The following SETD2 variants were observed in gnomAD, a reference collection of about 807,000 sequenced individuals.
The protein encoded by SETD2 is SET domain containing 2, histone lysine methyltransferase.
SETD2 carries 31 observed loss-of-function variants against 242.1 expected under a neutral mutation model. The ratio of observed to expected loss-of-function variants is 0.13; its 90% confidence interval spans 0.10 to 0.17. The LOEUF (loss-of-function observed/expected upper bound fraction) is 0.17, where lower values mean the gene tolerates loss of function less well. Ranked by LOEUF, SETD2 falls within the 10% of genes least tolerant of loss-of-function variation. The probability of loss-of-function intolerance (pLI) is 1.00; values close to 1 mark genes in which losing one functional copy is unlikely to be tolerated. For missense variants in SETD2, 2,481 were observed against 3,046.3 expected (o/e 0.81, Z 4.37); for synonymous variants, 1,006 against 1,066.5 (o/e 0.94, Z 1.11).
At chr3:47,096,944 A>T (rs1295930890) in intron 9 of SETD2, among the ~76,000 whole-genome samples, 3 of 152,072 alleles carry the variant, frequency 2.0e-5, no homozygotes, top group African/African-American at 7.2e-5. Context: ...AACTTTTTTT[A>T]ACTGAATCTT....
chr3:47,029,006 T>C, intron 18 of SETD2: 1 of 222,582 alleles, frequency 4.5e-6, no homozygotes, highest in Non-Finnish European at 8.8e-6. Context: ...AGCTCGACCA[T>C]CTCAATGTCA....
chr3:47,161,974 CA>C (rs1167029983), intron 1 of SETD2, among the ~76,000 whole-genome samples: 2 of 151,080 alleles, frequency 1.3e-5, no homozygotes, highest in Non-Finnish European at 2.9e-5. Context: ...GTTAGAAATC[CA>C]AAGCAGTGGA....
chr3:47,020,845 G>A (rs2038185812), intron 18 of SETD2, among the ~76,000 whole-genome samples: 1 of 152,144 alleles, frequency 6.6e-6, no homozygotes, highest in South Asian at 2.1e-4. Flanking sequence ...TCCATAAACA[G>A]TATGAAGGCT....
chr3:47,100,786 G>A (rs567935351), intron 8 of SETD2, among the ~76,000 whole-genome samples: 14 of 151,394 alleles, frequency 9.2e-5, no homozygotes, highest in East Asian at 2.0e-4. Context: ...AGAGGCGGGC[G>A]GATCACAAGG....
chr3:47,082,619 CATA>C (rs1411952985), intron 12 of SETD2, among the ~76,000 whole-genome samples: 1 of 152,186 alleles, frequency 6.6e-6, no homozygotes, highest in Non-Finnish European at 1.5e-5. Context: ...TTTCCTAAGA[CATA>C]ATAAGGCTGA....
rs1463995863 is a variant in SETD2, at chr3:47,017,596, C to T, written c.7533+42G>A. On this transcript the variant is annotated intron_variant, in intron 20 of 20. Coordinates refer to ENST00000409792, the MANE Select transcript of SETD2 (RefSeq NM_014159.7). This position sits in a 1 kb window ranked among gnomAD's most constrained non-coding sequence, Gnocchi z 4.8. ...GCTTCTTAGAAGGTACACAGTTTGC[C>T]CAGAACATTGCCTGGTGGGCTACCA... 1 of 1,393,412 alleles carries T rather than the reference C, an allele frequency of 7.2e-7. No individual in the cohort carries two copies. The highest frequency in any genetic ancestry group is 1.0e-6 in the Non-Finnish European group (1 of 979,116). 86.3% of individuals were successfully genotyped at this position (1,393,412 alleles called of 1,614,324 possible).
chr3:47,084,004 G>T lies in SETD2; in HGVS notation c.5776C>A (p.Gln1926Lys), dbSNP rs1282949429. Reference protein sequence around the residue: ...PVEEEEELQSQQLLPQQLPEC... With the variant: ...PVEEEEELQSKQLLPQQLPEC... ...GGCAGCTGTTGTGGGAGTAGCTGTT[G>T]TGACTGCAATTCTTCCTCTTCCTCT... The change falls in exon 12 of 21, where the codon CAA (glutamine) becomes AAA (lysine). Residue 1926 changes from glutamine to lysine, a missense_variant. By Grantham distance (53) the Gln-to-Lys change is moderately conservative. Transcript: ENST00000409792. The T allele has an allele frequency of 6.2e-7, 1 of 1,613,988 alleles. No homozygotes were observed. Among genetic ancestry groups the T allele is most frequent in the East Asian group, 2.2e-5 (1 of 44,902 alleles).
At chr3:47,109,848 T>C (rs142697123) in intron 5 of SETD2, among the ~76,000 whole-genome samples, 1 of 152,074 alleles carries the variant, frequency 6.6e-6, no homozygotes, top group Non-Finnish European at 1.5e-5. Flanking sequence ...TAGCTGGGCA[T>C]GGTGGCGCAC....
At chr3:47,068,921 A>G (rs1047092080) in intron 12 of SETD2, among the ~76,000 whole-genome samples, 7 of 151,854 alleles carry the variant, frequency 4.6e-5, no homozygotes, top group Non-Finnish European at 8.8e-5. Context: ...TAGCCTCCCC[A>G]GTAACTGGGA....
At chr3:47,148,764 T>C (rs564179362) in intron 1 of SETD2, among the ~76,000 whole-genome samples, 20 of 152,310 alleles carry the variant, frequency 1.3e-4, no homozygotes, top group African/African-American at 4.6e-4. Context: ...AAGTTTCTTT[T>C]TTAAAAGTGG....
chr3:47,048,610 T>G (rs955866140), intron 15 of SETD2, among the ~76,000 whole-genome samples: 1 of 152,202 alleles, frequency 6.6e-6, no homozygotes, highest in Non-Finnish European at 1.5e-5. Flanking sequence ...TTTTACTTTA[T>G]AAACAAATTT....
At chr3:47,084,420 A>G in intron 11 of SETD2, 38 bp from the exon 12 acceptor site, 1 of 1,350,018 alleles carries the variant, frequency 7.4e-7, no homozygotes, top group South Asian at 1.4e-5. Flanking sequence ...CACTTTGTAC[A>G]GTTGACTTTT....
chr3:47,021,834 C>A (rs12485582), intron 18 of SETD2, among the ~76,000 whole-genome samples: 4,638 of 152,188 alleles, frequency 0.03, 227 homozygotes, highest in East Asian at 0.13. Flanking sequence ...CCCCCCACTC[C>A]AAAAAAGTCC....
At chr3:47,049,107 C>A (rs1466251346) in intron 15 of SETD2, among the ~76,000 whole-genome samples, 1 of 151,672 alleles carries the variant, frequency 6.6e-6, no homozygotes, top group Non-Finnish European at 1.5e-5. Flanking sequence ...CCACGCCCAG[C>A]TAATTAAAAA....
chr3:47,138,351 C>A (rs2043643134), intron 1 of SETD2: 3 of 209,544 alleles, frequency 1.4e-5, no homozygotes, highest in Admixed American at 4.7e-5. Flanking sequence ...CTCACTGCAA[C>A]CTCCACCTCC....
At chr3:47,120,018 C>T (rs967462596) in intron 3 of SETD2, among the ~76,000 whole-genome samples, 164 bp downstream of exon 3, 5 of 152,108 alleles carry the variant, frequency 3.3e-5, no homozygotes, top group Non-Finnish European at 5.9e-5. Context: ...GGAATCTATA[C>T]TATCAAATCT....
chr3:47,046,767 A>C (rs935183007), intron 15 of SETD2, 146 bp from the exon 16 acceptor site: 2 of 583,816 alleles, frequency 3.4e-6, no homozygotes, highest in Non-Finnish European at 5.1e-6. Context: ...TGTGCAAAAC[A>C]ATTTTTTGTT....
At chr3:47,118,303 T>C (rs2042940824) in intron 3 of SETD2, among the ~76,000 whole-genome samples, 1 of 152,240 alleles carries the variant, frequency 6.6e-6, no homozygotes, top group Non-Finnish European at 1.5e-5. Context: ...GCATAGATTT[T>C]GGCAGGTAAG....
At chr3:47,125,329 A>C (rs2043286611) in intron 2 of SETD2, among the ~76,000 whole-genome samples, 1 of 90,350 alleles carries the variant, frequency 1.1e-5, no homozygotes. Context: ...AAAAAAATAA[A>C]AAATTTAAAA....
Sources: gnomAD v4.1 joint callset for allele counts (sites outside exome capture counted in the v4.1 genomes callset) on GRCh38, gnomAD v4.1.1 for gene constraint, Gnocchi (gnomAD v3.1) non-coding constraint, MANE v1.5 for transcripts, NCBI Gene and HGNC (gene_info 2026-07-23, HGNC 2026-07-21) for gene names.